Variants in TMEM108 observed in about 807,000 individuals in gnomAD.
TMEM108 encodes the protein transmembrane protein 108, also known as cancer/testis antigen 124.
Under a neutral mutation model 35.1 loss-of-function variants are expected in TMEM108, and 12 were observed. The observed-to-expected ratio is 0.34, with a 90% CI of 0.22 to 0.55. The LOEUF is 0.55. TMEM108 is among the 20% of genes least tolerant of loss of function. TMEM108 has a pLI of 0.89. For missense variants in TMEM108, 680 were observed against 753.3 expected (o/e 0.90, Z 1.14); for synonymous variants, 287 against 308.6 (o/e 0.93, Z 0.73).
chr3:133,349,852 G>A (rs2071937559), intron 3 of TMEM108, among the ~76,000 whole-genome samples: 1 of 152,112 alleles, frequency 6.6e-6, no homozygotes, highest in African/African-American at 2.4e-5. Context: ...AACTAGTACA[G>A]CCATTATGGA....
At chr3:133,303,684 A>G (rs1947263026) in intron 3 of TMEM108, among the ~76,000 whole-genome samples, 1 of 152,170 alleles carries the variant, frequency 6.6e-6, no homozygotes, top group Non-Finnish European at 1.5e-5. Context: ...GAATATTATT[A>G]ACTTACCCTA....
chr3:133,283,468 C>T (rs1375758485), intron 3 of TMEM108, among the ~76,000 whole-genome samples: 1 of 152,186 alleles, frequency 6.6e-6, no homozygotes, highest in African/African-American at 2.4e-5. Context: ...GACAGATTTT[C>T]TCATATGCTG....
At chr3:133,203,378 C>T (rs955111942) in intron 2 of TMEM108, among the ~76,000 whole-genome samples, 1 of 152,174 alleles carries the variant, frequency 6.6e-6, no homozygotes, top group African/African-American at 2.4e-5. Flanking sequence ...TGCCGGTTTT[C>T]AAAAGGAATG....
chr3:133,257,650 T>A (rs1403939658), intron 3 of TMEM108, among the ~76,000 whole-genome samples: 1 of 152,218 alleles, frequency 6.6e-6, no homozygotes, highest in Non-Finnish European at 1.5e-5. Flanking sequence ...AACTTAGATA[T>A]GCCTCTCTTC....
intron 2 of TMEM108, among the ~76,000 whole-genome samples, chr3:133,195,545 A>G (rs1363782236): frequency 1.3e-5 from 2 of 152,046 alleles, no homozygotes; most frequent in African/African-American, 2.4e-5. Context: ...CTCTTAACCT[A>G]CAGTGCCTTT....
intron 2 of TMEM108, among the ~76,000 whole-genome samples, chr3:133,143,154 A>G (rs1043418273): frequency 1.3e-5 from 2 of 152,176 alleles, no homozygotes; most frequent in African/African-American, 2.4e-5. Context: ...CCTCTGAAAA[A>G]TCCAAAACTG....
At chr3:133,203,966 T>C (rs1945711314) in intron 2 of TMEM108, among the ~76,000 whole-genome samples, 2 of 152,204 alleles carry the variant, frequency 1.3e-5, no homozygotes, top group Non-Finnish European at 2.9e-5. Context: ...CTACCTCAGT[T>C]TCAGACCTTG....
chr3:133,357,852 G>A (rs1379703682), intron 3 of TMEM108, among the ~76,000 whole-genome samples: 1 of 152,084 alleles, frequency 6.6e-6, no homozygotes, highest in Non-Finnish European at 1.5e-5. Flanking sequence ...TCGGGTGGCA[G>A]ATGCACTAAA....
At chr3:133,179,765 C>G (rs1945301957) in intron 2 of TMEM108, among the ~76,000 whole-genome samples, 1 of 151,764 alleles carries the variant, frequency 6.6e-6, no homozygotes, top group Admixed American at 6.6e-5. Flanking sequence ...ATGTAACAAA[C>G]CTGCATGTTG....
chr3:133,224,862 G>GA (rs1946045597), intron 2 of TMEM108, among the ~76,000 whole-genome samples: 1 of 117,866 alleles, frequency 8.5e-6, no homozygotes, highest in Non-Finnish European at 2.0e-5. Context: ...CATTCATGGG[G>GA]CATCTCCTGT....
intron 3 of TMEM108, among the ~76,000 whole-genome samples, chr3:133,341,347 G>C (rs1961423): frequency 6.6e-6 from 1 of 151,278 alleles, no homozygotes; most frequent in Admixed American, 6.6e-5. Context: ...ATTAACCAAA[G>C]ATCTCTACAA....
chr3:133,168,922 A>G (rs1247115430), intron 2 of TMEM108, among the ~76,000 whole-genome samples: 2 of 152,042 alleles, frequency 1.3e-5, no homozygotes, highest in East Asian at 1.9e-4. Context: ...GAGCTGTAAC[A>G]CTCACGTGAA....
At chr3:133,304,475 TTTC>T (rs1458388669) in intron 3 of TMEM108, among the ~76,000 whole-genome samples, 1 of 152,070 alleles carries the variant, frequency 6.6e-6, no homozygotes, top group Non-Finnish European at 1.5e-5. Flanking sequence ...CCCCAAAAAG[TTTC>T]TTTATTGTGC....
chr3:133,159,097 C>T (rs1944923419), intron 2 of TMEM108, among the ~76,000 whole-genome samples: 1 of 152,192 alleles, frequency 6.6e-6, no homozygotes, highest in Admixed American at 6.5e-5. Flanking sequence ...TATTCATTGT[C>T]TCCCCACATC....
At chr3:133,176,288 C>A (rs1945227160) in intron 2 of TMEM108, among the ~76,000 whole-genome samples, 1 of 152,034 alleles carries the variant, frequency 6.6e-6, no homozygotes, top group Non-Finnish European at 1.5e-5. Context: ...ACAAGGATAC[C>A]CAGGAATTGA....
At chr3:133,224,707 G>A (rs891046219) in intron 2 of TMEM108, among the ~76,000 whole-genome samples, 9 of 152,134 alleles carry the variant, frequency 5.9e-5, no homozygotes, top group Admixed American at 2.0e-4. Flanking sequence ...CGTGTGGAAC[G>A]TGAGTCCATT....
At chr3:133,043,110 T>C (rs1329419712) in intron 1 of TMEM108, among the ~76,000 whole-genome samples, 2 of 152,214 alleles carry the variant, frequency 1.3e-5, no homozygotes, top group African/African-American at 4.8e-5. Context: ...AAAACTTTCA[T>C]CATCCTAGAA....
At chr3:133,098,747 C>T (rs1944048955) in intron 2 of TMEM108, among the ~76,000 whole-genome samples, 1 of 152,154 alleles carries the variant, frequency 6.6e-6, no homozygotes, top group African/African-American at 2.4e-5. Flanking sequence ...TTTAAAGCTC[C>T]AAAACGATCT....
chr3:133,139,229 G>A (rs1452219467), intron 2 of TMEM108, among the ~76,000 whole-genome samples: 1 of 152,138 alleles, frequency 6.6e-6, no homozygotes, highest in Non-Finnish European at 1.5e-5. Context: ...ACATACATGT[G>A]CATGTGTCTT....
Sources: allele counts gnomAD v4.1 joint callset (sites outside exome capture counted in the v4.1 genomes callset), GRCh38; gene constraint gnomAD v4.1.1; transcripts MANE v1.5; gene names NCBI Gene and HGNC (gene_info 2026-07-23, HGNC 2026-07-21).